The following RWDD1 variants were observed in gnomAD, a reference collection of about 807,000 sequenced individuals.
RWDD1 encodes the protein RWD domain containing 1.
RWDD1 carries 17 observed loss-of-function variants against 31.6 expected under a neutral mutation model. That is an observed-to-expected ratio of 0.54 (90% CI 0.37 to 0.81). The LOEUF is 0.81. Ranked by LOEUF, RWDD1 falls within the 30% of genes least tolerant of loss-of-function variation. The pLI is 0.00. For missense variants in RWDD1, 204 were observed against 274.5 expected, an observed-to-expected ratio of 0.74 and a Z score of 1.82; for synonymous variants, 78 against 94.2, an observed-to-expected ratio of 0.83 and a Z score of 0.99.
At chr6:116,591,811 G>T (rs1245949156) in intron 6 of RWDD1, among the ~76,000 whole-genome samples, 1 of 152,210 alleles carries the variant, frequency 6.6e-6, no homozygotes, top group Non-Finnish European at 1.5e-5. Context: ...TTAGCTTCTG[G>T]CCTTTCAGCC....
intron 2 of RWDD1, 52 bp downstream of exon 2, chr6:116,580,412 A>G (rs774115638): frequency 1.2e-5 from 16 of 1,381,654 alleles, no homozygotes; most frequent in African/African-American, 1.4e-5. Flanking sequence ...CAGGAATTTC[A>G]CTCATTCTGT....
In RWDD1 at chr6:116,571,563, G is replaced by C. The variant is rs764310318; in HGVS notation, c.-20G>C. 1 of 1,611,580 alleles carries C rather than the reference G, an allele frequency of 6.2e-7. No homozygotes were observed. The highest frequency in any genetic ancestry group is 8.5e-7 in the Non-Finnish European group (1 of 1,179,056). ...CCGCCTAGGTGTCTGGGCGATCTAT[G>C]GGCAAGAGCAAGGGCCACGATGACA... On this transcript the variant is annotated 5_prime_UTR_variant, in exon 1 of 7. It removes an upstream start codon present in the reference 5' UTR. Transcript: ENST00000466444.
rs1259899739 is a variant in RWDD1, at chr6:116,584,708, C to T, written c.140-19C>T. 5 of 1,606,036 alleles carry T rather than the reference C, an allele frequency of 3.1e-6. No individual in the cohort carries two copies. Among genetic ancestry groups the T allele is most frequent in the African/African-American group, 1.3e-5 (1 of 74,756 alleles). On this transcript the variant is annotated intron_variant, in intron 2 of 6. Transcript: ENST00000466444. ...TTACTTTTAAGGTATTCACATCAAA[C>T]TCTTATCTTGTGTCTTAGCTGTCCA...
intron 1 of RWDD1, 109 bp downstream of exon 1, chr6:116,571,764 G>T: frequency 1.1e-6 from 1 of 876,060 alleles, no homozygotes; most frequent in Non-Finnish European, 1.7e-6. Flanking sequence ...GGACCTTGAG[G>T]CCGCGCGGCC....
rs1346331230 is a variant in RWDD1, at chr6:116,571,514, G to A, written c.-69G>A. 1.3e-6 allele frequency: 2 copies of A among 1,503,194 alleles called. No homozygotes were observed. The highest frequency in any genetic ancestry group is 2.2e-5 in the Admixed American group (1 of 45,728). The allele number at this position is 1,503,194 out of a possible 1,614,324, so 93.1% of individuals were successfully genotyped here. On this transcript the variant is annotated 5_prime_UTR_variant, in exon 1 of 7. Coordinates refer to ENST00000466444, the MANE Select transcript of RWDD1 (RefSeq NM_015952.4). ...TGGCCGCCGCCCGCTCTCCCGGCGC[G>A]GCAGCTGTCTGGGCTGCTGCGCGCC...
intron 2 of RWDD1, among the ~76,000 whole-genome samples, chr6:116,583,170 G>A (rs560864865): frequency 6.6e-6 from 1 of 151,540 alleles, no homozygotes; most frequent in East Asian, 1.9e-4. Flanking sequence ...GTAGAGATGG[G>A]GTCTCACTCT....
At chr6:116,579,563 G>A (rs977537833) in intron 1 of RWDD1, among the ~76,000 whole-genome samples, 10 of 152,126 alleles carry the variant, frequency 6.6e-5, no homozygotes, top group Non-Finnish European at 1.2e-4. Flanking sequence ...AGTTGTTATA[G>A]CATTCTTGTT....
intron 3 of RWDD1, among the ~76,000 whole-genome samples, chr6:116,588,300 C>G (rs1775077755): frequency 6.6e-6 from 1 of 152,082 alleles, no homozygotes; most frequent in Non-Finnish European, 1.5e-5. Flanking sequence ...TCATTGGAAC[C>G]CTATCTTGTT....
At chr6:116,582,357 T>A (rs963675181) in intron 2 of RWDD1, among the ~76,000 whole-genome samples, 3 of 151,986 alleles carry the variant, frequency 2.0e-5, no homozygotes, top group Non-Finnish European at 4.4e-5. Flanking sequence ...TGTTAAAGAA[T>A]ATTCTCAGGA....
intron 1 of RWDD1, among the ~76,000 whole-genome samples, chr6:116,573,623 C>T (rs1346102927): frequency 2.0e-5 from 3 of 152,084 alleles, no homozygotes; most frequent in African/African-American, 7.2e-5. Context: ...TGGAGATTTG[C>T]AAGATTTTCT....
At chr6:116,579,430 G>A (rs1034569411) in intron 1 of RWDD1, among the ~76,000 whole-genome samples, 3 of 152,158 alleles carry the variant, frequency 2.0e-5, no homozygotes, top group Non-Finnish European at 4.4e-5. Flanking sequence ...ATGGTTCTGA[G>A]TACAAGTTTT....
At chr6:116,571,884 G>C (rs1322825214) in intron 1 of RWDD1, among the ~76,000 whole-genome samples, 1 of 152,000 alleles carries the variant, frequency 6.6e-6, no homozygotes, top group Admixed American at 6.5e-5. Context: ...ATGTTGGAGG[G>C]TGTCAGGCCT....
chr6:116,591,213 A>G (rs1775138890), intron 6 of RWDD1, among the ~76,000 whole-genome samples: 1 of 152,224 alleles, frequency 6.6e-6, no homozygotes, highest in Non-Finnish European at 1.5e-5. Flanking sequence ...CTGTTAAAAA[A>G]TACATTTTGG....
At chr6:116,573,740 G>A (rs1296505944) in intron 1 of RWDD1, among the ~76,000 whole-genome samples, 1 of 152,062 alleles carries the variant, frequency 6.6e-6, no homozygotes, top group Non-Finnish European at 1.5e-5. Flanking sequence ...CACTAAATGG[G>A]AGTTTTGTAA....
intron 4 of RWDD1, among the ~76,000 whole-genome samples, chr6:116,589,589 G>A (rs932959876): frequency 6.6e-5 from 10 of 152,106 alleles, no homozygotes; most frequent in Admixed American, 1.3e-4. Flanking sequence ...AGAAATTGAT[G>A]TGTATTCAAA....
intron 1 of RWDD1, among the ~76,000 whole-genome samples, chr6:116,573,768 TTTAA>T (rs1274645527): frequency 2.0e-5 from 3 of 152,202 alleles, no homozygotes; most frequent in African/African-American, 7.2e-5. Flanking sequence ...TTGAATCACA[TTTAA>T]TTATTGAATT....
rs113316377 is a variant in RWDD1 at position 116,595,769 on chromosome 6, T to A, written c.*2668T>A. Reference sequence around the variant, plus strand: ...CATGAGAGTTCAAAGAAATGTTGTATTTGCCATCTACAACTTGGAATAATG... The same window carrying A: ...CATGAGAGTTCAAAGAAATGTTGTAATTGCCATCTACAACTTGGAATAATG... On this transcript the variant is annotated 3_prime_UTR_variant, in exon 7 of 7. Coordinates refer to ENST00000466444, the MANE Select transcript of RWDD1 (RefSeq NM_015952.4). The A allele has an allele frequency of 3.3e-3, 499 of 152,338 alleles. 4 individuals are homozygous for A. The highest frequency in any genetic ancestry group is 0.012 in the African/African-American group (482 of 41,580). 9.4% of individuals were successfully genotyped at this position (152,338 alleles called of 1,614,324 possible). A position where few individuals can be genotyped will look rare whatever the true frequency, so the allele number is the denominator to read the frequency against.
chr6:116,590,162 T>C (rs573749586), intron 4 of RWDD1, 110 bp from the exon 5 acceptor site: 1 of 539,116 alleles, frequency 1.9e-6, no homozygotes, highest in East Asian at 3.2e-5. Context: ...AAACATTAAT[T>C]TTTCTGTTTT....
At chr6:116,584,138 T>G (rs1774996568) in intron 2 of RWDD1, among the ~76,000 whole-genome samples, 1 of 152,206 alleles carries the variant, frequency 6.6e-6, no homozygotes, top group South Asian at 2.1e-4. Context: ...CCATAAGAGT[T>G]TTACTTCCGT....
Sources: allele counts gnomAD v4.1 joint callset (sites outside exome capture counted in the v4.1 genomes callset), GRCh38; gene constraint gnomAD v4.1.1; transcripts MANE v1.5; gene names NCBI Gene and HGNC (gene_info 2026-07-23, HGNC 2026-07-21).